The following GOLM2 variants were observed in gnomAD, a reference collection of about 807,000 sequenced individuals.
The protein encoded by GOLM2 is protein GOLM2.
In GOLM2, 26 loss-of-function variants were observed where a neutral mutation model predicts 55.9. The ratio of observed to expected loss-of-function variants is 0.47; its 90% CI spans 0.34 to 0.65. GOLM2 has a LOEUF of 0.65. Ranked by LOEUF, GOLM2 falls within the 30% of genes least tolerant of loss-of-function variation. The pLI is 0.01. For synonymous variants in GOLM2, 165 were observed against 194.6 expected (o/e 0.85, Z 1.27); for missense variants, 486 against 531.8 (o/e 0.91, Z 0.85).
intron 1 of GOLM2, among the ~76,000 whole-genome samples, chr15:44,311,237 G>T (rs891596092): frequency 6.6e-6 from 1 of 152,072 alleles, no homozygotes; most frequent in African/African-American, 2.4e-5. Flanking sequence ...TACCTTAACT[G>T]AAAAAGAGAA....
At chr15:44,332,671 G>A (rs1471403800) in intron 4 of GOLM2, among the ~76,000 whole-genome samples, 1 of 151,668 alleles carries the variant, frequency 6.6e-6, no homozygotes, top group Non-Finnish European at 1.5e-5. Flanking sequence ...CTTTTTTACT[G>A]AAAATCAACT....
At position 44,359,314 on chromosome 15, in the gene GOLM2, G is replaced by A. The variant is rs1028829552; in HGVS notation, c.803-20376G>A. On this transcript the variant is annotated intron_variant, in intron 6 of 9. Transcript: ENST00000299957. ...AAAACTTAACAATTAGAGGCCAGGC[G>A]CAGTGGCTCATGCCTGTAATCCCAG... Among the ~76,000 whole-genome samples, 154 of 151,300 alleles carry A rather than the reference G, an allele frequency of 1.0e-3. 1 individual carries two copies. Among genetic ancestry groups the A allele is most frequent in the Admixed American group, 1.6e-3 (24 of 15,170 alleles).
chr15:44,383,765 T>A (rs1031591146), intron 8 of GOLM2, among the ~76,000 whole-genome samples: 8 of 151,006 alleles, frequency 5.3e-5, no homozygotes, highest in African/African-American at 2.0e-4. Context: ...CAGCCTTGAC[T>A]TCCTGGGTTC....
rs190707685 is a variant in GOLM2 at position 44,407,675 on chromosome 15, C to T, written c.1240+4621C>T. Reference sequence around the variant, plus strand: ...TATTGCCCAGGCTGGTTTCAAACTCCTGAGCTCAAGCTATCCACTTCCCTC... The same window carrying T: ...TATTGCCCAGGCTGGTTTCAAACTCTTGAGCTCAAGCTATCCACTTCCCTC... On this transcript the variant is annotated intron_variant, in intron 9 of 9. Coordinates refer to ENST00000299957, the MANE Select transcript of GOLM2 (RefSeq NM_138423.4). Among the ~76,000 whole-genome samples the T allele has an allele frequency of 3.2e-4, 48 of 152,080 alleles. 1 individual carries two copies. Among genetic ancestry groups the T allele is most frequent in the African/African-American group, 1.1e-3 (47 of 41,502 alleles).
At chr15:44,348,573 T>G (rs2079140510) in intron 6 of GOLM2, 1 of 152,234 alleles carries the variant, frequency 6.6e-6, no homozygotes, top group South Asian at 2.1e-4. Context: ...TCTCTGAACC[T>G]GCTGGGGGAA....
rs142948600 is a variant in GOLM2, at chr15:44,412,355, A to G, written c.1241-981A>G. Among the ~76,000 whole-genome samples the G allele has an allele frequency of 1.8e-3, 277 of 152,318 alleles. 1 individual carries two copies. The highest frequency in any genetic ancestry group is 0.014 in the Middle Eastern group (4 of 294). ...GTAATAGCCAAATAAATCAAACTCC[A>G]TAGCACTATTTGGAGTAATTTAATA... is the stretch of plus-strand genomic sequence containing the variant. On this transcript the variant is annotated intron_variant, in intron 9 of 9. Transcript: ENST00000299957.
rs1595610143 is a variant in GOLM2 at position 44,294,085 on chromosome 15, C to T, written c.327+4729C>T. ...GAGCTCCTTCATTAACTCCTGTATC[C>T]CCTTCTTACTTTTATAGTGCCAGAA... On this transcript the variant is annotated intron_variant, in intron 1 of 9. Coordinates refer to ENST00000299957, the MANE Select transcript of GOLM2 (RefSeq NM_138423.4). Among the ~76,000 whole-genome samples the T allele has an allele frequency of 2.0e-5, 3 of 152,166 alleles. No homozygotes were observed. The South Asian group carries it at 6.2e-4, about 32-fold the overall frequency.
intron 6 of GOLM2, among the ~76,000 whole-genome samples, chr15:44,353,105 G>A (rs763164609): frequency 5.3e-5 from 8 of 152,170 alleles, no homozygotes; most frequent in South Asian, 2.1e-4. Context: ...AAAAGAAGAC[G>A]TACAAATGGC....
intron 8 of GOLM2, among the ~76,000 whole-genome samples, chr15:44,392,521 G>T (rs772650327): frequency 2.0e-5 from 3 of 151,838 alleles, no homozygotes; most frequent in Non-Finnish European, 4.4e-5. Flanking sequence ...TACTTAGGAG[G>T]CTGAGGCTGG....
At chr15:44,327,997 A>C (rs2078996467) in intron 2 of GOLM2, among the ~76,000 whole-genome samples, 1 of 152,228 alleles carries the variant, frequency 6.6e-6, no homozygotes, top group South Asian at 2.1e-4. Flanking sequence ...TAAAATGAGA[A>C]AGAAAACTTA....
At chr15:44,331,952 G>C in intron 3 of GOLM2, 36 bp from the exon 4 acceptor site, 1 of 1,402,352 alleles carries the variant, frequency 7.1e-7, no homozygotes. Flanking sequence ...TCCAATCCAA[G>C]ATAATATAAT....
intron 6 of GOLM2, among the ~76,000 whole-genome samples, chr15:44,377,205 T>C (rs1294622640): frequency 1.1e-4 from 16 of 152,028 alleles, no homozygotes; most frequent in Admixed American, 9.2e-4. Context: ...AGACCTCGTC[T>C]CTACAAAAAA....
At chr15:44,309,046 A>G (rs188798815) in intron 1 of GOLM2, among the ~76,000 whole-genome samples, 1 of 152,338 alleles carries the variant, frequency 6.6e-6, no homozygotes, top group East Asian at 1.9e-4. Context: ...AATGTTCAAC[A>G]TTATTAATCA....
intron 3 of GOLM2, among the ~76,000 whole-genome samples, chr15:44,331,514 T>C (rs1169239602): frequency 1.3e-5 from 2 of 152,206 alleles, no homozygotes; most frequent in Non-Finnish European, 2.9e-5. Context: ...TATTAGTTTC[T>C]TTCGTTCCTA....
At chr15:44,340,407 C>T (rs1382339571) in intron 6 of GOLM2, among the ~76,000 whole-genome samples, 1 of 152,026 alleles carries the variant, frequency 6.6e-6, no homozygotes, top group East Asian at 1.9e-4. Context: ...ACTACAGGCA[C>T]ACACCACCAC....
intron 8 of GOLM2, among the ~76,000 whole-genome samples, chr15:44,395,884 C>T (rs1038197662): frequency 6.6e-6 from 1 of 151,888 alleles, no homozygotes. Flanking sequence ...TCTTTATTTA[C>T]CAAAGATTGC....
chr15:44,379,822 A>G (rs1453328528), intron 7 of GOLM2, 34 bp downstream of exon 7: 20 of 1,225,668 alleles, frequency 1.6e-5, no homozygotes, highest in Non-Finnish European at 2.3e-5. Flanking sequence ...TCCATTTGAA[A>G]CCAACTTACT....
intron 6 of GOLM2, among the ~76,000 whole-genome samples, chr15:44,373,309 T>A (rs1475579526): frequency 6.8e-6 from 1 of 147,430 alleles, no homozygotes; most frequent in African/African-American, 2.5e-5. Flanking sequence ...TACAAAAAAT[T>A]AGCCGGGCGC....
intron 1 of GOLM2, among the ~76,000 whole-genome samples, chr15:44,292,731 A>T (rs764248535): frequency 2.0e-5 from 3 of 151,010 alleles, no homozygotes; most frequent in African/African-American, 4.9e-5. Flanking sequence ...GTTAATGAGG[A>T]CTCTCTGAGC....
Sources: gnomAD v4.1 joint callset for allele counts (sites outside exome capture counted in the v4.1 genomes callset) on GRCh38, gnomAD v4.1.1 for gene constraint, MANE v1.5 for transcripts, NCBI Gene and HGNC (gene_info 2026-07-23, HGNC 2026-07-21) for gene names.